Variants in PAX3 observed in about 807,000 individuals in gnomAD.
PAX3 encodes paired box 3, also known as paired box protein Pax-3.
PAX3 carries 14 observed loss-of-function variants against 51.6 expected under a neutral mutation model. That is an observed-to-expected ratio of 0.27 (90% CI 0.18 to 0.42). The LOEUF (loss-of-function observed/expected upper bound fraction) is 0.42. Among genes scored for constraint, PAX3 ranks in the 10% least tolerant of loss-of-function variants. The pLI, the probability that PAX3 is intolerant of heterozygous loss-of-function variation, is 1.00. For synonymous variants in PAX3, 280 were observed against 253.4 expected, an observed-to-expected ratio of 1.11 and a Z score of -1.00; for missense variants, 540 against 642.8, an observed-to-expected ratio of 0.84 and a Z score of 1.73.
chr2:222,275,106 G>T (rs950976032), intron 4 of PAX3, among the ~76,000 whole-genome samples: 1 of 152,032 alleles, frequency 6.6e-6, no homozygotes, highest in Non-Finnish European at 1.5e-5. Flanking sequence ...TTTTAATTTC[G>T]ATTCAAAGTT....
chr2:222,258,713 A>T (rs12620531), intron 4 of PAX3, among the ~76,000 whole-genome samples: 17,461 of 152,102 alleles, frequency 0.11, 1,264 homozygotes, highest in East Asian at 0.33. Flanking sequence ...TTGGGACTTG[A>T]TTTCCCAACC....
chr2:222,232,353 TTC>T, intron 4 of PAX3, 70 bp from the exon 5 acceptor site: 1 of 1,369,886 alleles, frequency 7.3e-7, no homozygotes, highest in Non-Finnish European at 1.0e-6. Context: ...TGAATCCAAG[TTC>T]TCTCTCCGAC....
chr2:222,220,315 G>T lies in PAX3; in HGVS notation c.998C>A (p.Pro333Gln). Residue 333 changes from proline to glutamine, a missense_variant, in exon 7 of 9, where the codon CCG becomes CAG. This residue lies in a region of PAX3 where 427 missense variants were observed against 483.6 expected (regional missense o/e 0.88). Transcript: ENST00000392070. ...DPSSTVHRPQ[P>Q]LPPSTVHQST... ...TTGGTGTACAGTGCTTGGAGGAAGC[G>T]GTTGAGGTCTGTGAACGGTGCTGCT... The T allele has an allele frequency of 1.9e-6, 3 of 1,614,018 alleles. No homozygotes were observed. The highest frequency in any genetic ancestry group is 2.5e-6 in the Non-Finnish European group (3 of 1,179,956).
chr2:222,260,565 GTTT>G (rs869129158), intron 4 of PAX3, among the ~76,000 whole-genome samples: 34 of 55,862 alleles, frequency 6.1e-4, no homozygotes, highest in South Asian at 4.0e-3. Context: ...TTTTTTTTTT[GTTT>G]TTTTTTTTTG....
chr2:222,252,257 A>G (rs1317278297), intron 4 of PAX3, among the ~76,000 whole-genome samples: 3 of 152,216 alleles, frequency 2.0e-5, no homozygotes, highest in Non-Finnish European at 4.4e-5. Flanking sequence ...AATATTCACT[A>G]TATGGACCTT....
intron 4 of PAX3, among the ~76,000 whole-genome samples, chr2:222,291,006 G>C (rs1343043085): frequency 2.0e-5 from 3 of 152,084 alleles, no homozygotes; most frequent in Non-Finnish European, 4.4e-5. Context: ...AGGCAATTGA[G>C]TCGGCTGCAG....
Position 222,298,598 on chromosome 2 carries a change from G to A in PAX3, c.18C>T (p.Gly6=), listed in dbSNP as rs1310695676. Residue 6 remains glycine (G), a synonymous_variant, in exon 1 of 9, where the codon GGC becomes GGT. Coordinates refer to ENST00000392070, the MANE Select transcript of PAX3 (RefSeq NM_181458.4). MTTLA[G]AVPRMMRPGP... is the part of the protein sequence containing the mutation. ...CCGGCCGCATCATCCTGGGCACAGC[G>A]CCGGCCAGCGTGGTCATCCTGGGGG... is the stretch of plus-strand genomic sequence containing the variant. 6.2e-7 allele frequency: 1 copy of A among 1,606,590 alleles called. No individual in the cohort carries two copies. Among genetic ancestry groups the A allele is most frequent in the Non-Finnish European group, 8.5e-7 (1 of 1,176,960 alleles).
intron 4 of PAX3, among the ~76,000 whole-genome samples, chr2:222,248,057 A>G (rs1693292855): frequency 6.6e-6 from 1 of 152,184 alleles, no homozygotes; most frequent in Admixed American, 6.5e-5. Context: ...TGTCCTCTGG[A>G]TCATCTATTG....
chr2:222,285,618 A>G (rs1168889000), intron 4 of PAX3, among the ~76,000 whole-genome samples: 1 of 152,258 alleles, frequency 6.6e-6, no homozygotes, highest in African/African-American at 2.4e-5. Context: ...AGAGTACACA[A>G]TAATTCCATG....
At chr2:222,240,220 G>A (rs1692959843) in intron 4 of PAX3, among the ~76,000 whole-genome samples, 1 of 152,080 alleles carries the variant, frequency 6.6e-6, no homozygotes, top group African/African-American at 2.4e-5. Context: ...CCGTTGCTCC[G>A]GAGTTATTTT....
At chr2:222,253,691 C>A (rs752517932) in intron 4 of PAX3, among the ~76,000 whole-genome samples, 14 of 151,514 alleles carry the variant, frequency 9.2e-5, no homozygotes, top group Non-Finnish European at 1.8e-4. Flanking sequence ...GAGCCTGTTG[C>A]CCAGTCTGGA....
At chr2:222,257,550 T>C (rs1693692220) in intron 4 of PAX3, among the ~76,000 whole-genome samples, 1 of 152,256 alleles carries the variant, frequency 6.6e-6, no homozygotes, top group South Asian at 2.1e-4. Flanking sequence ...CCAGACGTTA[T>C]TTTAAACACA....
chr2:222,204,832 T>A lies in PAX3; in HGVS notation c.1174-2642A>T, dbSNP rs547957134. ...AGATACTTACTTGAAATTCAGTCAATGGTATGTCACTTTAAGGGAGAAATG... is the reference window on the plus strand; with the variant it reads ...AGATACTTACTTGAAATTCAGTCAAAGGTATGTCACTTTAAGGGAGAAATG... On this transcript the variant is annotated intron_variant, in intron 7 of 8. Transcript: ENST00000392070. Among the ~76,000 whole-genome samples, 19 of 152,308 alleles carry A rather than the reference T, an allele frequency of 1.2e-4. No homozygotes were observed. The East Asian group carries it at 3.7e-3, about 29-fold the overall frequency.
chr2:222,216,012 G>A (rs529966854), intron 7 of PAX3, among the ~76,000 whole-genome samples: 17 of 152,274 alleles, frequency 1.1e-4, no homozygotes, highest in African/African-American at 3.8e-4. Context: ...ACGCATCACT[G>A]AGAATCTCGC....
At chr2:222,230,494 T>C (rs1187495280) in intron 5 of PAX3, among the ~76,000 whole-genome samples, 3 of 152,114 alleles carry the variant, frequency 2.0e-5, no homozygotes, top group Non-Finnish European at 4.4e-5. Context: ...CAAACCACCA[T>C]GGCACGTGTT....
At chr2:222,298,510 C>A (rs778034419) in intron 1 of PAX3, 21 bp downstream of exon 1, 3 of 1,577,004 alleles carry the variant, frequency 1.9e-6, no homozygotes, top group Admixed American at 1.8e-5. Context: ...ATCCAGGCGG[C>A]GCGCTGAGGC....
intron 4 of PAX3, among the ~76,000 whole-genome samples, chr2:222,261,400 A>G (rs1693855998): frequency 6.6e-6 from 1 of 152,244 alleles, no homozygotes; most frequent in African/African-American, 2.4e-5. Flanking sequence ...CGGCTAGGAA[A>G]AAAAATCTAA....
intron 4 of PAX3, among the ~76,000 whole-genome samples, chr2:222,233,886 T>C (rs1692702045): frequency 6.6e-6 from 1 of 152,116 alleles, no homozygotes. Context: ...ACTAACTCAT[T>C]TGCACCCTCA....
At chr2:222,251,697 A>C (rs1446024706) in intron 4 of PAX3, among the ~76,000 whole-genome samples, 1 of 152,164 alleles carries the variant, frequency 6.6e-6, no homozygotes, top group Non-Finnish European at 1.5e-5. Context: ...TGACTTCCAC[A>C]ATGGTTGAAC....
Sources: gnomAD v4.1 joint callset for allele counts (sites outside exome capture counted in the v4.1 genomes callset) on GRCh38, gnomAD v4.1.1 for gene constraint, gnomAD v4.1.1 regional missense constraint, MANE v1.5 for transcripts, NCBI Gene and HGNC (gene_info 2026-07-23, HGNC 2026-07-21) for gene names.